Variants in CCDC30 observed in about 807,000 individuals in gnomAD.
CCDC30 encodes coiled-coil domain-containing protein 30.
CCDC30 carries 70 observed loss-of-function variants against 100.2 expected under a neutral mutation model. That is an observed-to-expected ratio of 0.70 (90% CI 0.58 to 0.85). The LOEUF (loss-of-function observed/expected upper bound fraction) is 0.85. Among genes scored for constraint, CCDC30 ranks in the 40% least tolerant of loss-of-function variants. The pLI is 0.00. For synonymous variants in CCDC30, 233 were observed against 269.5 expected (o/e 0.86, Z 1.33); for missense variants, 652 against 771.2 (o/e 0.85, Z 1.83).
Position 42,505,580 on chromosome 1 carries a change from T to A in CCDC30, c.456+6664T>A, listed in dbSNP as rs185497971. Among the ~76,000 whole-genome samples the A allele has an allele frequency of 8.3e-4, 126 of 152,368 alleles. 1 individual carries two copies. The highest frequency in any genetic ancestry group is 2.9e-3 in the African/African-American group (121 of 41,586). ...TTAGTCATATACTTGGCCTGATTAT[T>A]TGCATAAAGTGCAACAAGAATAATT... On this transcript the variant is annotated intron_variant, in intron 6 of 16. Coordinates refer to ENST00000668663, the Ensembl canonical transcript of CCDC30.
At chr1:42,653,536 G>T (rs1648530775) in intron 16 of CCDC30, 93 bp downstream of exon 20, 2 of 821,584 alleles carry the variant, frequency 2.4e-6, no homozygotes, top group Non-Finnish European at 4.1e-6. Flanking sequence ...GTCCTGGATT[G>T]CTGGCTTGAG....
intron 6 of CCDC30, among the ~76,000 whole-genome samples, chr1:42,499,654 C>CT (rs977457594): frequency 2.0e-5 from 3 of 151,836 alleles, no homozygotes; most frequent in Admixed American, 2.0e-4. Context: ...TTTAAAAAAT[C>CT]TTTTTTGTAG....
intron 1 of CCDC30, among the ~76,000 whole-genome samples, chr1:42,474,523 C>G (rs1159129260): frequency 2.0e-5 from 3 of 152,068 alleles, no homozygotes; most frequent in African/African-American, 7.2e-5. Context: ...TTCCTATGTT[C>G]CTTCTATACT....
At chr1:42,481,991 G>A (rs530411446) in intron 2 of CCDC30, among the ~76,000 whole-genome samples, 1 of 152,200 alleles carries the variant, frequency 6.6e-6, no homozygotes, top group East Asian at 1.9e-4. Flanking sequence ...GGCCCAGGTG[G>A]GTGGATCACG....
At chr1:42,468,197 A>G (rs2148435679) in intron 1 of CCDC30, among the ~76,000 whole-genome samples, 1 of 152,338 alleles carries the variant, frequency 6.6e-6, no homozygotes, top group South Asian at 2.1e-4. Flanking sequence ...AAAGAAAGAA[A>G]TGTATTCCTC....
chr1:42,534,996 A>G (rs912421122), intron 6 of CCDC30: 1 of 152,224 alleles, frequency 6.6e-6, no homozygotes, highest in Non-Finnish European at 1.5e-5. Context: ...TGAGGTAAGA[A>G]AAAAGGGATA....
chr1:42,575,655 A>AAAAAAAAAAAAAAAAAAAAAC (rs1645820889), intron 7 of CCDC30, among the ~76,000 whole-genome samples: 1 of 150,810 alleles, frequency 6.6e-6, no homozygotes, highest in African/African-American at 2.4e-5. Context: ...GTCTCAAAAA[A>AAAAAAAAAAAAAAAAAAAAAC]AAAGAAGCAA....
At chr1:42,483,970 T>A (rs1260792158) in intron 3 of CCDC30, among the ~76,000 whole-genome samples, 1 of 152,112 alleles carries the variant, frequency 6.6e-6, no homozygotes, top group African/African-American at 2.4e-5. Context: ...TAGAATTTAG[T>A]ATAAAAATTT....
At chr1:42,565,827 C>T (rs1262007493) in intron 6 of CCDC30, among the ~76,000 whole-genome samples, 2 of 151,908 alleles carry the variant, frequency 1.3e-5, no homozygotes, top group Admixed American at 6.6e-5. Flanking sequence ...GAAGAATCAT[C>T]GGGAAATAAA....
intron 6 of CCDC30, among the ~76,000 whole-genome samples, chr1:42,547,545 TA>T (rs1373840555): frequency 6.6e-6 from 1 of 152,186 alleles, no homozygotes; most frequent in Non-Finnish European, 1.5e-5. Context: ...TTAATTCATC[TA>T]GGGGTGGGAA....
intron 5 of CCDC30, 95 bp downstream of exon 5, chr1:42,497,308 TTTA>T: frequency 1.5e-6 from 1 of 661,246 alleles, no homozygotes; most frequent in Non-Finnish European, 2.1e-6. Context: ...TAAGTTGGTC[TTTA>T]GCAGGGACCA....
chr1:42,499,117 C>G (rs1471246065), intron 6 of CCDC30, among the ~76,000 whole-genome samples: 1 of 152,066 alleles, frequency 6.6e-6, no homozygotes, highest in African/African-American at 2.4e-5. Flanking sequence ...TCATAGAGAA[C>G]AATTAATTTG....
rs148617919 is a variant in CCDC30 at position 42,536,348 on chromosome 1, A to T, written c.457-29948A>T. On this transcript the variant is annotated intron_variant, in intron 6 of 16. Coordinates refer to ENST00000668663, the Ensembl canonical transcript of CCDC30. The stretch of plus-strand genomic sequence containing the variant: ...GAAAAATGTATCTTATGAGCTATAA[A>T]CTAGTTTTCCTAGGTTCATAAATCC... 5,527 of 565,554 alleles carry T rather than the reference A, an allele frequency of 9.8e-3. 44 individuals are homozygous for T. Among genetic ancestry groups the T allele is most frequent in the Non-Finnish European group, 0.013 (4,322 of 332,680 alleles). The allele number at this position is 565,554 out of a possible 1,614,324, so 35.0% of individuals were successfully genotyped here.
At chr1:42,511,701 A>C (rs1265240099) in intron 6 of CCDC30, among the ~76,000 whole-genome samples, 1 of 152,104 alleles carries the variant, frequency 6.6e-6, no homozygotes, top group African/African-American at 2.4e-5. Flanking sequence ...TGGTGCAAAA[A>C]GGGAGGAGAA....
In CCDC30 at chr1:42,542,602, C is replaced by T. The variant is rs1378014868; in HGVS notation, c.457-23694C>T. On this transcript the variant is annotated intron_variant, in intron 6 of 16. Coordinates refer to ENST00000668663, the Ensembl canonical transcript of CCDC30. ...TCTGTCGCCCAGGCCGGACTGCGGACTGCAGTGGCGCAATCTCGGCTCACT... is the reference window on the plus strand; with the variant it reads ...TCTGTCGCCCAGGCCGGACTGCGGATTGCAGTGGCGCAATCTCGGCTCACT... 1.0e-3 allele frequency among the ~76,000 whole-genome samples: 108 copies of T among 102,866 alleles called. 4 individuals carry two copies. Among genetic ancestry groups the T allele is most frequent in the Admixed American group, 2.3e-3 (21 of 9,210 alleles). 67.5% of individuals were successfully genotyped at this position (102,866 alleles called of 152,430 possible).
chr1:42,610,384 C>T (rs892671465), intron 10 of CCDC30, among the ~76,000 whole-genome samples: 4 of 151,708 alleles, frequency 2.6e-5, no homozygotes, highest in Non-Finnish European at 4.4e-5. Context: ...ACAGCTTTCA[C>T]TTTATATACT....
chr1:42,533,184 C>T (rs570783600), intron 6 of CCDC30, among the ~76,000 whole-genome samples: 12 of 151,736 alleles, frequency 7.9e-5, no homozygotes, highest in East Asian at 5.8e-4. Flanking sequence ...AAGGTGGGCA[C>T]GTAAGGGAGA....
At chr1:42,457,138 C>G in the CCDC30 span, 4 of 1,586,942 alleles carry the variant, frequency 2.5e-6, no homozygotes, top group Non-Finnish European at 3.4e-6. Flanking sequence ...CACTTATCCC[C>G]TTACCTCCTG....
intron 6 of CCDC30, among the ~76,000 whole-genome samples, chr1:42,535,550 A>G (rs576108769): frequency 6.7e-6 from 1 of 148,316 alleles, no homozygotes; most frequent in African/African-American, 2.5e-5. Flanking sequence ...TTCATTTGAC[A>G]GGTTGGCTTT....
Sources: allele counts gnomAD v4.1 joint callset (sites outside exome capture counted in the v4.1 genomes callset), GRCh38; gene constraint gnomAD v4.1.1; transcripts MANE v1.5; gene names NCBI Gene and HGNC (gene_info 2026-07-23, HGNC 2026-07-21).